HEATR1: variants seen among roughly 807,000 people sequenced by gnomAD.
The protein encoded by HEATR1 is HEAT repeat-containing protein 1.
HEATR1 carries 77 observed loss-of-function variants against 248.2 expected under a neutral mutation model. The observed-to-expected ratio is 0.31, with a 90% CI of 0.26 to 0.37. The LOEUF is 0.37. Among genes scored for constraint, HEATR1 ranks in the 10% least tolerant of loss-of-function variants. The pLI is 1.00. For synonymous variants in HEATR1, 897 were observed against 923.1 expected (o/e 0.97, Z 0.51); for missense variants, 2,420 against 2,504.9 (o/e 0.97, Z 0.72).
At chr1:236,572,634 C>T in intron 25 of HEATR1, 80 bp from the exon 26 acceptor site, 1 of 1,601,840 alleles carries the variant, frequency 6.2e-7, no homozygotes, top group Non-Finnish European at 8.5e-7. Flanking sequence ...CTGATTATAG[C>T]AAATTGATGA....
At chr1:236,578,990 ACG>A (rs909762453) in intron 20 of HEATR1, among the ~76,000 whole-genome samples, 1 of 152,208 alleles carries the variant, frequency 6.6e-6, no homozygotes, top group African/African-American at 2.4e-5. Flanking sequence ...GCAGCAAACT[ACG>A]GTCATTTATA....
Position 236,554,139 on chromosome 1 carries a change from C to T in HEATR1, c.6079-400G>A, listed in dbSNP as rs568782406. Among the ~76,000 whole-genome samples, 5 of 152,352 alleles carry T rather than the reference C, an allele frequency of 3.3e-5. No homozygotes were observed. The South Asian group carries it at 1.0e-3, about 32-fold the overall frequency. On this transcript the variant is annotated intron_variant, in intron 42 of 44. Coordinates refer to ENST00000366582, the MANE Select transcript of HEATR1 (RefSeq NM_018072.6). ...AGGCATGGTGGCTCACGCCTGTAAT[C>T]CCAGCAGTTTGGGAGGCCAAGGTGG...
rs371586095 is a variant in HEATR1, at chr1:236,558,323, C to T, written c.5118G>A (p.Glu1706=). Residue 1706 remains glutamate (E), a synonymous_variant, in exon 36 of 45, where the codon GAG becomes GAA. Transcript: ENST00000366582. ...AVKLIAPERK[E]EKNVLGSALL... is the part of the protein sequence containing the mutation. ...GCGCGCTTCCCAGGACATTCTTCTCCTCCTTTCTCTCTGGAGCAATCAGTT... is the reference window on the plus strand; with the variant it reads ...GCGCGCTTCCCAGGACATTCTTCTCTTCCTTTCTCTCTGGAGCAATCAGTT... 1.2e-6 allele frequency: 2 copies of T among 1,614,202 alleles called. No individual in the cohort carries two copies. Among genetic ancestry groups the T allele is most frequent in the Admixed American group, 1.7e-5 (1 of 60,026 alleles).
At chr1:236,581,791 C>T (rs1448622841) in intron 19 of HEATR1, among the ~76,000 whole-genome samples, 5 of 152,186 alleles carry the variant, frequency 3.3e-5, no homozygotes, top group African/African-American at 7.2e-5. Context: ...ACATGGAGGT[C>T]ACTGGTGCTG....
At chr1:236,558,736 T>TA (rs1663045395) in intron 35 of HEATR1, among the ~76,000 whole-genome samples, 1 of 152,324 alleles carries the variant, frequency 6.6e-6, no homozygotes, top group Admixed American at 6.5e-5. Context: ...GACTTAGAAC[T>TA]ATGCTAAGGC....
At chr1:236,555,731 C>G (rs539778082) in intron 39 of HEATR1, 74 bp downstream of exon 39, 2 of 1,605,610 alleles carry the variant, frequency 1.2e-6, no homozygotes, top group East Asian at 2.2e-5. Flanking sequence ...CACTGTTACA[C>G]GGCTAGATTG....
At chr1:236,592,389 C>CA in intron 10 of HEATR1, 134 bp downstream of exon 10, 1 of 610,634 alleles carries the variant, frequency 1.6e-6, no homozygotes, top group Non-Finnish European at 3.0e-6. Flanking sequence ...TTCCGATACT[C>CA]GCCCCTTCTT....
In HEATR1 at chr1:236,553,693, G is replaced by C. The variant is rs1321128663; in HGVS notation, c.6125C>G (p.Thr2042Arg). ...GGEEKFQERV[T>R]KHLIPCIAQF... Reference sequence around the variant, plus strand: ...TGCGATGCATGGTATCAGGTGCTTTGTCACCCGTTCCTGGAATTTCTCTTC... The same window carrying C: ...TGCGATGCATGGTATCAGGTGCTTTCTCACCCGTTCCTGGAATTTCTCTTC... Residue 2042 changes from threonine to arginine, a missense_variant, in exon 43 of 45, where the codon ACA (threonine) becomes AGA (arginine). By Grantham distance (71) the Thr-to-Arg change is moderately conservative. Coordinates refer to ENST00000366582, the MANE Select transcript of HEATR1 (RefSeq NM_018072.6). 10 of 1,613,472 alleles carry C rather than the reference G, an allele frequency of 6.2e-6. No individual in the cohort carries two copies. The highest frequency in any genetic ancestry group is 8.5e-6 in the Non-Finnish European group (10 of 1,179,696).
In HEATR1 at chr1:236,578,355, T is replaced by A. The variant is rs187169380; in HGVS notation, c.2756-1406A>T. 3.4e-4 allele frequency among the ~76,000 whole-genome samples: 52 copies of A among 152,358 alleles called. 1 individual carries two copies. The highest frequency in any genetic ancestry group is 3.1e-3 in the Admixed American group (48 of 15,306). The stretch of plus-strand genomic sequence containing the variant: ...CCATAAGTATTTGAAACTTGTCTAT[T>A]TCTGCCGGCTAGTACTTCTAGAATC... On this transcript the variant is annotated intron_variant, in intron 20 of 44. Coordinates refer to ENST00000366582, the MANE Select transcript of HEATR1 (RefSeq NM_018072.6).
At chr1:236,566,315 T>C (rs974094600) in intron 30 of HEATR1, among the ~76,000 whole-genome samples, 1 of 152,156 alleles carries the variant, frequency 6.6e-6, no homozygotes, top group African/African-American at 2.4e-5. Context: ...ACAAACTGCC[T>C]TCAAAACCGC....
At chr1:236,601,681 A>AAAC (rs1664329165) in intron 3 of HEATR1, among the ~76,000 whole-genome samples, 4 of 123,080 alleles carry the variant, frequency 3.2e-5, no homozygotes, top group South Asian at 2.5e-4. Context: ...AACAAACAAA[A>AAAC]AAAAAACTAG....
chr1:236,581,403 T>G lies in HEATR1; in HGVS notation c.2574A>C (p.Glu858Asp). 6.5e-7 allele frequency: 1 copy of G among 1,529,234 alleles called. No homozygotes were observed. Among genetic ancestry groups the G allele is most frequent in the Non-Finnish European group, 8.7e-7 (1 of 1,145,940 alleles). The allele number at this position is 1,529,234 out of a possible 1,614,324, so 94.7% of individuals were successfully genotyped here. The change falls in exon 20 of 45, where the codon GAA (glutamate) becomes GAC (aspartate). Residue 858 changes from glutamate (E) to aspartate (D), a missense_variant. Glu to Asp is a conservative substitution (Grantham distance 45). Transcript: ENST00000366582. ...LMKLFIKVHL[E>D]DVFQLFKFCS... ...AGAACTTGAATAACTGAAAAACATCTTCTAGATGCACCTAATTAAAAAAAA... is the reference window on the plus strand; with the variant it reads ...AGAACTTGAATAACTGAAAAACATCGTCTAGATGCACCTAATTAAAAAAAA...
chr1:236,599,130 C>A (rs1408027521), intron 4 of HEATR1, among the ~76,000 whole-genome samples: 1 of 152,074 alleles, frequency 6.6e-6, no homozygotes, highest in East Asian at 1.9e-4. Flanking sequence ...AAATGCCAAA[C>A]GGCATGGTAC....
rs147008493 is a variant in HEATR1, at chr1:236,589,019, C to T, written c.1531-976G>A. On this transcript the variant is annotated intron_variant, in intron 12 of 44. Coordinates refer to ENST00000366582, the MANE Select transcript of HEATR1 (RefSeq NM_018072.6). ...GTTTAGAATAAAACCTATGTCCTGT[C>T]ATCAATGGAGAAAAGAAAATGAAAC... 5.3e-5 allele frequency among the ~76,000 whole-genome samples: 8 copies of T among 152,216 alleles called. No individual in the cohort carries two copies. The East Asian group carries it at 1.5e-3, about 29-fold the overall frequency.
chr1:236,575,573 C>G (rs1232824250), intron 22 of HEATR1, among the ~76,000 whole-genome samples: 1 of 152,176 alleles, frequency 6.6e-6, no homozygotes, highest in Non-Finnish European at 1.5e-5. Context: ...GGGCTGAATG[C>G]AACCTGTTTG....
At chr1:236,560,627 C>A (rs1663107448) in intron 33 of HEATR1, among the ~76,000 whole-genome samples, 1 of 152,176 alleles carries the variant, frequency 6.6e-6, no homozygotes, top group Non-Finnish European at 1.5e-5. Context: ...GTGGAAGGGG[C>A]AGGACAGTGG....
Position 236,550,812 on chromosome 1 carries a change from C to T in HEATR1, c.*90G>A, listed in dbSNP as rs1662695858. ...TAATCCAAGTAGGTGTATTAAGGCA[C>T]CAAAAGTAACATGGCACCCAACACC... On this transcript the variant is annotated 3_prime_UTR_variant, in exon 45 of 45. Coordinates refer to ENST00000366582, the MANE Select transcript of HEATR1 (RefSeq NM_018072.6). 1.2e-5 allele frequency: 12 copies of T among 991,296 alleles called. No homozygotes were observed. In the South Asian group the frequency reaches 1.9e-4, roughly 16 times the overall value. The allele number at this position is 991,296 out of a possible 1,614,324, so 61.4% of individuals were successfully genotyped here. A position where few individuals can be genotyped will look rare whatever the true frequency, so the allele number is the denominator to read the frequency against.
At chr1:236,552,974 T>TA (rs769027245) in intron 43 of HEATR1, 11 of 152,236 alleles carry the variant, frequency 7.2e-5, no homozygotes, top group Non-Finnish European at 1.5e-4. Flanking sequence ...TAAATCCTAT[T>TA]AATAAAATTC....
chr1:236,558,880 G>T, intron 35 of HEATR1, 115 bp downstream of exon 35: 3 of 902,884 alleles, frequency 3.3e-6, no homozygotes, highest in Non-Finnish European at 5.0e-6. Context: ...ATTATATTCA[G>T]AAAATAATAT....
Sources: allele counts gnomAD v4.1 joint callset (sites outside exome capture counted in the v4.1 genomes callset), GRCh38; gene constraint gnomAD v4.1.1; transcripts MANE v1.5; gene names NCBI Gene and HGNC (gene_info 2026-07-23, HGNC 2026-07-21).